NAV1: variants seen among roughly 807,000 people sequenced by gnomAD.
NAV1 encodes the protein pore membrane and/or filament interacting like protein 3.
A neutral mutation model predicts 175.2 loss-of-function variants in NAV1; 18 were observed. The observed-to-expected ratio is 0.10, with a 90% CI of 0.07 to 0.15. The LOEUF is 0.15. NAV1 is among the 10% of genes least tolerant of loss of function. The pLI is 1.00. For missense variants in NAV1, 1,731 were observed against 2,436.6 expected (o/e 0.71, Z 6.10); for synonymous variants, 897 against 978.7 (o/e 0.92, Z 1.56).
At chr1:201,686,378 C>T (rs1352574856) in intron 1 of NAV1, among the ~76,000 whole-genome samples, 1 of 152,146 alleles carries the variant, frequency 6.6e-6, no homozygotes, top group Non-Finnish European at 1.5e-5. Flanking sequence ...CCCATCAAAA[C>T]ACCCATTTCT....
At chr1:201,661,968 C>G (rs746507180) in intron 1 of NAV1, among the ~76,000 whole-genome samples, 1 of 152,230 alleles carries the variant, frequency 6.6e-6, no homozygotes. Context: ...GGGTTAGGTA[C>G]TACTCTTATC....
chr1:201,683,753 T>C (rs934307514), intron 1 of NAV1, among the ~76,000 whole-genome samples: 25 of 152,168 alleles, frequency 1.6e-4, no homozygotes, highest in African/African-American at 2.2e-4. Context: ...GTGGTGTTCA[T>C]TGAGTTTCTC....
chr1:201,621,131 G>A (rs1159787456), upstream of NAV1, among the ~76,000 whole-genome samples: 2 of 151,846 alleles, frequency 1.3e-5, no homozygotes, highest in Non-Finnish European at 2.9e-5. Context: ...TGTTGCCCAG[G>A]CTGGTGTCAA....
chr1:201,660,622 T>C (rs1669571552), intron 1 of NAV1, among the ~76,000 whole-genome samples: 1 of 152,206 alleles, frequency 6.6e-6, no homozygotes, highest in Non-Finnish European at 1.5e-5. Flanking sequence ...TGGGGGACCA[T>C]TTAACACTCA....
At chr1:201,734,564 GA>G (rs1476177017) in intron 3 of NAV1, among the ~76,000 whole-genome samples, 3 of 143,920 alleles carry the variant, frequency 2.1e-5, no homozygotes, top group African/African-American at 8.1e-5. Context: ...TACATTGTAT[GA>G]GGTTTCATTT....
chr1:201,634,290 G>A (rs1668554332), intron 2 of NAV1, among the ~76,000 whole-genome samples: 1 of 152,232 alleles, frequency 6.6e-6, no homozygotes, highest in South Asian at 2.1e-4. Flanking sequence ...GGTGTTATTT[G>A]TTATTGAGGC....
At chr1:201,729,912 A>T (rs565623339) in intron 3 of NAV1, among the ~76,000 whole-genome samples, 17 of 152,314 alleles carry the variant, frequency 1.1e-4, no homozygotes, top group Admixed American at 6.5e-4. Flanking sequence ...TTAAAAAAAA[A>T]ATAAAAGAAT....
At chr1:201,760,045 C>G (rs1338096245) in intron 3 of NAV1, among the ~76,000 whole-genome samples, 1 of 152,196 alleles carries the variant, frequency 6.6e-6, no homozygotes, top group South Asian at 2.1e-4. Flanking sequence ...TAGTTTTGAA[C>G]TTAAACGAGG....
chr1:201,749,253 A>T (rs971590453), intron 3 of NAV1, among the ~76,000 whole-genome samples: 1 of 152,260 alleles, frequency 6.6e-6, no homozygotes, highest in Admixed American at 6.5e-5. Context: ...TGATTCAGCA[A>T]TAACAATTAT....
At chr1:201,738,011 GC>G (rs1308430742) in intron 3 of NAV1, among the ~76,000 whole-genome samples, 8 of 152,084 alleles carry the variant, frequency 5.3e-5, no homozygotes, top group Non-Finnish European at 1.5e-5. Flanking sequence ...AGGATGGGAG[GC>G]TCAGGACATT....
intron 1 of NAV1, among the ~76,000 whole-genome samples, chr1:201,567,217 AG>A (rs1666381879): frequency 6.6e-6 from 1 of 152,196 alleles, no homozygotes; most frequent in South Asian, 2.1e-4. Flanking sequence ...CATCAGCTGC[AG>A]GGGGGAGTGG....
chr1:201,561,364 C>T (rs73082541), intron 1 of NAV1, among the ~76,000 whole-genome samples: 4,389 of 152,284 alleles, frequency 0.029, 212 homozygotes, highest in African/African-American at 0.1. Context: ...GAATCTGCCC[C>T]ATCACACATG....
chr1:201,592,266 A>G (rs1667221637), intron 2 of NAV1, among the ~76,000 whole-genome samples: 1 of 152,218 alleles, frequency 6.6e-6, no homozygotes, highest in Non-Finnish European at 1.5e-5. Flanking sequence ...TTGTGGAATC[A>G]GCAACAGCAG....
chr1:201,717,624 G>A (rs1672190062), intron 2 of NAV1, among the ~76,000 whole-genome samples: 1 of 152,200 alleles, frequency 6.6e-6, no homozygotes, highest in Non-Finnish European at 1.5e-5. Flanking sequence ...TGGACATTTG[G>A]CTTCACCCCC....
At chr1:201,574,943 C>A (rs1334276266) in intron 1 of NAV1, among the ~76,000 whole-genome samples, 2 of 152,188 alleles carry the variant, frequency 1.3e-5, no homozygotes, top group Non-Finnish European at 2.9e-5. Context: ...CAGACAGTGC[C>A]AGAGGCCCCA....
intron 1 of NAV1, among the ~76,000 whole-genome samples, chr1:201,669,078 A>T (rs1392544462): frequency 6.6e-6 from 1 of 152,206 alleles, no homozygotes; most frequent in Non-Finnish European, 1.5e-5. Flanking sequence ...GATCTCAGGC[A>T]TGGTTAGCAA....
intron 1 of NAV1, among the ~76,000 whole-genome samples, chr1:201,686,218 T>A (rs1257740856): frequency 8.1e-6 from 1 of 123,650 alleles, no homozygotes; most frequent in African/African-American, 3.2e-5. Flanking sequence ...CTCCCCCAAC[T>A]GCATCTGCCC....
rs528462282 is a variant in NAV1, at chr1:201,709,649, A to T, written c.758-3168A>T. Among the ~76,000 whole-genome samples the T allele has an allele frequency of 2.6e-5, 4 of 152,312 alleles. No homozygotes were observed. The South Asian group carries it at 8.3e-4, about 32-fold the overall frequency. On this transcript the variant is annotated intron_variant, in intron 1 of 29. Transcript: ENST00000367296. ...GGAGAAGCAGAGCGGCATACCCATG[A>T]TGGCCACCAGGGGCCACTGCTGGGG...
At chr1:201,785,564 G>T (rs1245752829) in intron 8 of NAV1, among the ~76,000 whole-genome samples, 1 of 151,948 alleles carries the variant, frequency 6.6e-6, no homozygotes, top group African/African-American at 2.4e-5. Flanking sequence ...TTTTTTTGGT[G>T]ACAGGGGAGA....
Sources: allele counts gnomAD v4.1 joint callset (sites outside exome capture counted in the v4.1 genomes callset), GRCh38; gene constraint gnomAD v4.1.1; transcripts MANE v1.5; gene names NCBI Gene and HGNC (gene_info 2026-07-23, HGNC 2026-07-21).